Variants in BIRC6 observed in about 807,000 individuals in gnomAD.
The protein encoded by BIRC6 is baculoviral IAP repeat containing 6.
Under a neutral mutation model 503.3 loss-of-function variants are expected in BIRC6, and 98 were observed. The ratio of observed to expected loss-of-function variants is 0.19; its 90% CI spans 0.17 to 0.23. BIRC6 has a LOEUF of 0.23. BIRC6 is among the 10% of genes least tolerant of loss of function. BIRC6 has a pLI of 1.00. For synonymous variants in BIRC6, 2,240 were observed against 2,078.7 expected, an observed-to-expected ratio of 1.08 and a Z score of -2.11; for missense variants, 5,360 against 5,806.0, an observed-to-expected ratio of 0.92 and a Z score of 2.50.
At chr2:32,561,201 A>C (rs2059155846) in intron 65 of BIRC6, among the ~76,000 whole-genome samples, 1 of 151,854 alleles carries the variant, frequency 6.6e-6, no homozygotes, top group African/African-American at 2.4e-5. Flanking sequence ...ACATCTCAAA[A>C]AAAAAAAAAT....
At chr2:32,518,069 T>G (rs1044316031) in intron 55 of BIRC6, among the ~76,000 whole-genome samples, 185 bp from the exon 56 acceptor site, 4 of 151,730 alleles carry the variant, frequency 2.6e-5, no homozygotes, top group Admixed American at 6.6e-5. Flanking sequence ...TAAGATAAAA[T>G]CATTTCTTTC....
chr2:32,452,062 C>T (rs2046788921), intron 22 of BIRC6, among the ~76,000 whole-genome samples: 1 of 152,106 alleles, frequency 6.6e-6, no homozygotes, highest in Non-Finnish European at 1.5e-5. Context: ...ATTTCAGATA[C>T]CACATTGTAA....
chr2:32,480,490 A>AG (rs1208365555), intron 37 of BIRC6, among the ~76,000 whole-genome samples: 2 of 152,092 alleles, frequency 1.3e-5, no homozygotes, highest in Admixed American at 6.5e-5. Flanking sequence ...GTTGAATAAG[A>AG]GGATAGGAAT....
intron 65 of BIRC6, among the ~76,000 whole-genome samples, chr2:32,574,160 C>CTTTTTTT (rs1055060322): frequency 3.2e-5 from 4 of 124,684 alleles, no homozygotes; most frequent in Non-Finnish European, 5.0e-5. Flanking sequence ...ATAACTTTTT[C>CTTTTTTT]TTTTTTTTTT....
In BIRC6 at chr2:32,575,158, C is replaced by G; in HGVS notation, c.13147C>G (p.Leu4383Val). Residue 4383 changes from leucine (L) to valine (V), a missense_variant and splice_region_variant, in exon 66 of 74, where the codon CTG becomes GTG. By Grantham distance (32) the Leu-to-Val change is conservative (BLOSUM62 1). Transcript: ENST00000421745. ...MSSYLRNDSV[L>V]DMARHVPLYR... is the part of the protein sequence containing the mutation. ...GCTTTTTCTTCTTCTCCTTATAGTTCTGGACATGGCAAGACATGTGCCACT... is the reference window on the plus strand; with the variant it reads ...GCTTTTTCTTCTTCTCCTTATAGTTGTGGACATGGCAAGACATGTGCCACT... The G allele has an allele frequency of 6.2e-7, 1 of 1,613,826 alleles. No individual in the cohort carries two copies. The highest frequency in any genetic ancestry group is 8.5e-7 in the Non-Finnish European group (1 of 1,179,802).
intron 33 of BIRC6, among the ~76,000 whole-genome samples, chr2:32,475,541 G>A (rs993518450): frequency 2.0e-5 from 3 of 152,178 alleles, no homozygotes; most frequent in African/African-American, 7.2e-5. Context: ...ACTAACACAT[G>A]TAGAAGTGTA....
intron 61 of BIRC6, among the ~76,000 whole-genome samples, chr2:32,538,636 A>T (rs150225384): frequency 6.6e-6 from 1 of 152,264 alleles, no homozygotes; most frequent in Non-Finnish European, 1.5e-5. Flanking sequence ...CTCATCAACA[A>T]TGTACAGTGT....
chr2:32,481,337 T>G lies in BIRC6; in HGVS notation c.7426T>G (p.Ser2476Ala). The change falls in exon 38 of 74, where the codon TCT becomes GCT. Residue 2476 changes from serine to alanine, a missense_variant. Coordinates refer to ENST00000421745, the MANE Select transcript of BIRC6 (RefSeq NM_016252.4). ...ATTTGAAGGTGCACCTCCTCTGTCC[T>G]CTTTGGAAAAAGATAAAGAAATTGA... ...HDITGAPPLSSLEKDKEIDLE... is the reference protein window; with the variant it reads ...HDITGAPPLSALEKDKEIDLE... 1 of 1,608,668 alleles carries G rather than the reference T, an allele frequency of 6.2e-7. No homozygotes were observed. Among genetic ancestry groups the G allele is most frequent in the Non-Finnish European group, 8.5e-7 (1 of 1,177,112 alleles).
chr2:32,512,590 C>A (rs1357920970), intron 53 of BIRC6, among the ~76,000 whole-genome samples: 1 of 152,008 alleles, frequency 6.6e-6, no homozygotes, highest in Non-Finnish European at 1.5e-5. Flanking sequence ...GTGTGGGTGG[C>A]TATTACTAGT....
At chr2:32,528,227 CTTT>C (rs961322150) in intron 59 of BIRC6, 2 of 144,456 alleles carry the variant, frequency 1.4e-5, no homozygotes, top group Admixed American at 7.0e-5. Context: ...CTGCTTTTTC[CTTT>C]TTTTTTTTTT....
At chr2:32,493,038 C>G (rs1299167739) in intron 44 of BIRC6, among the ~76,000 whole-genome samples, 1 of 146,634 alleles carries the variant, frequency 6.8e-6, no homozygotes, top group Admixed American at 6.8e-5. Context: ...TTTTTTTTGA[C>G]TTGGTATAAA....
chr2:32,440,454 C>T lies in BIRC6; in HGVS notation c.3810+768C>T, dbSNP rs561650832. 3.3e-5 allele frequency among the ~76,000 whole-genome samples: 5 copies of T among 152,202 alleles called. No homozygotes were observed. The South Asian group carries it at 1.0e-3, about 32-fold the overall frequency. ...TAGCTGTGAACCATGCAGCTCCTTA[C>T]AATTGACTTATCTTGGATTTCCTGG... On this transcript the variant is annotated intron_variant, in intron 16 of 73. Coordinates refer to ENST00000421745, the MANE Select transcript of BIRC6 (RefSeq NM_016252.4).
chr2:32,491,669 G>A (rs558742482), intron 44 of BIRC6, 111 bp downstream of exon 44: 58 of 1,127,102 alleles, frequency 5.1e-5, no homozygotes, highest in South Asian at 2.2e-4. Flanking sequence ...AGCCTTTTAT[G>A]TATCAATATA....
At chr2:32,369,926 TA>T (rs756693528) in intron 1 of BIRC6, among the ~76,000 whole-genome samples, 2,301 of 37,720 alleles carry the variant, frequency 0.061, 295 homozygotes, top group Admixed American at 0.25. Context: ...CCCTGTCTCT[TA>T]AAAAAAAAAA....
chr2:32,605,849 C>T (rs1214225771), intron 71 of BIRC6, among the ~76,000 whole-genome samples: 1 of 152,070 alleles, frequency 6.6e-6, no homozygotes, highest in Non-Finnish European at 1.5e-5. Context: ...CAGAGCAAGA[C>T]ACTGTCTCAA....
At chr2:32,376,244 G>A (rs1303063191) in intron 1 of BIRC6, among the ~76,000 whole-genome samples, 11 of 151,208 alleles carry the variant, frequency 7.3e-5, no homozygotes, top group Non-Finnish European at 1.0e-4. Context: ...TTTTTACTGC[G>A]ATTACCAATT....
intron 1 of BIRC6, among the ~76,000 whole-genome samples, chr2:32,373,995 G>T (rs896762421): frequency 6.6e-6 from 1 of 152,150 alleles, no homozygotes; most frequent in African/African-American, 2.4e-5. Flanking sequence ...GAGATATTTA[G>T]AGTAGTCGAA....
chr2:32,498,353 A>G (rs547845650), intron 45 of BIRC6, among the ~76,000 whole-genome samples: 6 of 152,178 alleles, frequency 3.9e-5, no homozygotes, highest in South Asian at 4.1e-4. Flanking sequence ...TGCCCGGCCT[A>G]TAACCGAAAA....
chr2:32,525,401 A>T lies in BIRC6; in HGVS notation c.11756-63A>T, dbSNP rs866344725. ...CATGCCTTATTAAAATATTTTAGGA[A>T]CACTGTTTTCCTTCATATTAGTGTG... On this transcript the variant is annotated intron_variant, in intron 58 of 73. Coordinates refer to ENST00000421745, the MANE Select transcript of BIRC6 (RefSeq NM_016252.4). 1.9e-6 allele frequency: 3 copies of T among 1,561,676 alleles called. No individual in the cohort carries two copies. In the Admixed American group the frequency reaches 5.1e-5, roughly 26 times the overall value.
Sources: allele counts gnomAD v4.1 joint callset (sites outside exome capture counted in the v4.1 genomes callset), GRCh38; gene constraint gnomAD v4.1.1; transcripts MANE v1.5; gene names NCBI Gene and HGNC (gene_info 2026-07-23, HGNC 2026-07-21).